UHRF2: variants seen among roughly 807,000 people sequenced by gnomAD.
UHRF2 encodes the protein ubiquitin like with PHD and ring finger domains 2.
UHRF2 carries 23 observed loss-of-function variants against 96.8 expected under a neutral mutation model. The observed-to-expected ratio is 0.24, with a 90% confidence interval of 0.17 to 0.34. The LOEUF (loss-of-function observed/expected upper bound fraction) is 0.34. UHRF2 is among the 10% of genes least tolerant of loss of function. UHRF2 has a pLI of 1.00. For missense variants in UHRF2, 685 were observed against 981.5 expected (o/e 0.70, Z 4.04); for synonymous variants, 385 against 332.6 (o/e 1.16, Z -1.72).
chr9:6,487,050 G>C (rs1366365930), intron 9 of UHRF2, 125 bp downstream of exon 9: 2 of 800,322 alleles, frequency 2.5e-6, no homozygotes, highest in African/African-American at 1.7e-5. Context: ...GAAGTAATCA[G>C]TTTTATACAA....
intron 3 of UHRF2, among the ~76,000 whole-genome samples, chr9:6,458,054 G>T (rs578124): frequency 1.3e-5 from 2 of 151,924 alleles, no homozygotes; most frequent in Admixed American, 1.3e-4. Flanking sequence ...CTCTTTTCCT[G>T]TTGTTTGGAA....
chr9:6,460,708 A>C lies in UHRF2; in HGVS notation c.780A>C (p.Arg260Ser). Residue 260 changes from arginine (R) to serine (S), a missense_variant, in exon 4 of 16, where the codon AGA becomes AGC. Physicochemically the swap from Arg to Ser is moderately radical, Grantham distance 110. Transcript: ENST00000276893. The stretch of plus-strand genomic sequence containing the variant: ...ATAATGTAGAAAGTCCTGGACAAAG[A>C]GGATTCTGGTTTGATGCAGAAATTA... ...VNYNVESPGQ[R>S]GFWFDAEITT... The C allele has an allele frequency of 6.2e-7, 1 of 1,614,016 alleles. No homozygotes were observed. Among genetic ancestry groups the C allele is most frequent in the Non-Finnish European group, 8.5e-7 (1 of 1,179,976 alleles).
chr9:6,414,404 C>G (rs539955473), intron 1 of UHRF2, among the ~76,000 whole-genome samples: 1 of 152,200 alleles, frequency 6.6e-6, no homozygotes, highest in African/African-American at 2.4e-5. Flanking sequence ...CCTTCTAATA[C>G]TCATGTCGTT....
At chr9:6,502,444 C>G (rs563406571) in intron 14 of UHRF2, among the ~76,000 whole-genome samples, 9 of 152,314 alleles carry the variant, frequency 5.9e-5, no homozygotes, top group Admixed American at 1.3e-4. Flanking sequence ...AAAATGGCAA[C>G]TCTTTAAAAT....
At chr9:6,457,379 T>A (rs1822246635) in intron 3 of UHRF2, among the ~76,000 whole-genome samples, 1 of 144,896 alleles carries the variant, frequency 6.9e-6, no homozygotes, top group Non-Finnish European at 1.5e-5. Context: ...TTTGCTGAAG[T>A]TGCTTATCAC....
chr9:6,487,876 T>G (rs957986585), intron 9 of UHRF2, among the ~76,000 whole-genome samples: 1 of 152,214 alleles, frequency 6.6e-6, no homozygotes, highest in African/African-American at 2.4e-5. Context: ...CAGTGTTAAA[T>G]CTATAGAGTT....
rs1038457061 is a variant in UHRF2, at chr9:6,413,615, G to A, written c.125G>A (p.Cys42Tyr). The change falls in exon 1 of 16, where the codon TGC becomes TAC. Residue 42 changes from cysteine (C) to tyrosine (Y), a missense_variant. Cys to Tyr is a radical substitution (Grantham distance 194). This residue lies in a region of UHRF2 where 13 missense variants were observed against 37.3 expected (regional missense o/e 0.35). Coordinates refer to ENST00000276893, the MANE Select transcript of UHRF2 (RefSeq NM_152896.3). ...GCGCTGTTCGACGTGCGGCCCGAATGCCAGCGCCTCTTCTACCGGGGCAAG... is the reference window on the plus strand; with the variant it reads ...GCGCTGTTCGACGTGCGGCCCGAATACCAGCGCCTCTTCTACCGGGGCAAG... ...VWALFDVRPE[C>Y]QRLFYRGKQL... 2 of 1,597,924 alleles carry A rather than the reference G, an allele frequency of 1.3e-6. No individual in the cohort carries two copies. Among genetic ancestry groups the A allele is most frequent in the Admixed American group, 1.7e-5 (1 of 58,162 alleles).
chr9:6,429,915 G>C (rs781335701), intron 2 of UHRF2, among the ~76,000 whole-genome samples: 23 of 152,106 alleles, frequency 1.5e-4, no homozygotes, highest in Admixed American at 7.9e-4. Flanking sequence ...TCAAATATTT[G>C]CTGTTGGTAT....
chr9:6,497,149 T>G (rs780842802), intron 10 of UHRF2, 49 bp from the exon 11 acceptor site: 9 of 1,568,014 alleles, frequency 5.7e-6, no homozygotes, highest in African/African-American at 1.4e-5. Flanking sequence ...CTCGATTGTG[T>G]ACTTGAAGAA....
At chr9:6,470,750 A>G (rs1823196321) in intron 4 of UHRF2, among the ~76,000 whole-genome samples, 1 of 152,244 alleles carries the variant, frequency 6.6e-6, no homozygotes, top group Admixed American at 6.5e-5. Context: ...AGATTATATC[A>G]GGTTTGCACA....
At chr9:6,493,757 T>C in intron 9 of UHRF2, 69 bp from the exon 10 acceptor site, 1 of 1,368,202 alleles carries the variant, frequency 7.3e-7, no homozygotes, top group Admixed American at 2.1e-5. Context: ...ATGTTTTGAC[T>C]CTGAAATAAG....
intron 14 of UHRF2, among the ~76,000 whole-genome samples, chr9:6,502,157 A>G (rs1042123133): frequency 8.5e-5 from 13 of 152,214 alleles, no homozygotes; most frequent in African/African-American, 1.9e-4. Context: ...ACATATGTGT[A>G]TATATATTTA....
intron 4 of UHRF2, among the ~76,000 whole-genome samples, chr9:6,467,646 G>GTATCT (rs1822959035): frequency 9.6e-6 from 1 of 104,178 alleles, no homozygotes; most frequent in African/African-American, 3.9e-5. Context: ...AAATAAAAAT[G>GTATCT]TATCTTAAAT....
intron 14 of UHRF2, among the ~76,000 whole-genome samples, chr9:6,504,174 C>T (rs1023118599): frequency 6.6e-6 from 1 of 151,710 alleles, no homozygotes; most frequent in Non-Finnish European, 1.5e-5. Flanking sequence ...TACAGGCACA[C>T]GCCGCCACGC....
intron 14 of UHRF2, among the ~76,000 whole-genome samples, chr9:6,501,424 G>A (rs1816286924): frequency 6.6e-6 from 1 of 152,060 alleles, no homozygotes; most frequent in Non-Finnish European, 1.5e-5. Context: ...TCTCTCCAAA[G>A]TGTTGATGTG....
intron 6 of UHRF2, among the ~76,000 whole-genome samples, chr9:6,479,474 A>G (rs1823793170): frequency 1.3e-5 from 2 of 151,748 alleles, no homozygotes; most frequent in African/African-American, 4.8e-5. Flanking sequence ...TCCCACCCCC[A>G]ACCCTGCCAA....
At chr9:6,472,457 T>C (rs1823301618) in intron 4 of UHRF2, among the ~76,000 whole-genome samples, 1 of 152,336 alleles carries the variant, frequency 6.6e-6, no homozygotes, top group African/African-American at 2.4e-5. Context: ...AACTAGCCTT[T>C]AGTATAACAG....
chr9:6,480,830 C>G (rs1340164385), intron 6 of UHRF2, among the ~76,000 whole-genome samples: 1 of 152,168 alleles, frequency 6.6e-6, no homozygotes, highest in African/African-American at 2.4e-5. Flanking sequence ...AAATTTTTCT[C>G]TCCTATAGTG....
At chr9:6,447,645 T>A (rs987973183) in intron 3 of UHRF2, among the ~76,000 whole-genome samples, 1 of 152,170 alleles carries the variant, frequency 6.6e-6, no homozygotes, top group African/African-American at 2.4e-5. Context: ...TACATGTTTC[T>A]TTCCACTCCT....
Sources: gnomAD v4.1 joint callset for allele counts (sites outside exome capture counted in the v4.1 genomes callset) on GRCh38, gnomAD v4.1.1 for gene constraint, gnomAD v4.1.1 regional missense constraint, MANE v1.5 for transcripts, NCBI Gene and HGNC (gene_info 2026-07-23, HGNC 2026-07-21) for gene names.